TTC29: variants seen among roughly 807,000 people sequenced by gnomAD.
TTC29 encodes the protein tetratricopeptide repeat domain 29, also known as tetratricopeptide repeat protein 29.
A neutral mutation model predicts 58.1 loss-of-function variants in TTC29; 49 were observed. That is an observed-to-expected ratio of 0.84 (90% confidence interval 0.67 to 1.07). TTC29 has a LOEUF of 1.07. TTC29 is among the 50% of genes least tolerant of loss of function. TTC29 has a pLI of 0.00. For missense variants in TTC29, 582 were observed against 555.6 expected (o/e 1.05, Z -0.48); for synonymous variants, 209 against 196.8 (o/e 1.06, Z -0.52).
At chr4:146,918,979 AG>A (rs1400337782) in intron 4 of TTC29, among the ~76,000 whole-genome samples, 4 of 151,270 alleles carry the variant, frequency 2.6e-5, no homozygotes, top group African/African-American at 9.6e-5. Context: ...AAACTTCTCT[AG>A]TAGTCTGGTA....
At chr4:146,731,324 TGGGAGAGA>T (rs1259554540) in intron 11 of TTC29, among the ~76,000 whole-genome samples, 1 of 152,014 alleles carries the variant, frequency 6.6e-6, no homozygotes, top group Non-Finnish European at 1.5e-5. Flanking sequence ...AATTGTTGGC[TGGGAGAGA>T]GGGAGAGAGA....
chr4:146,910,893 G>A (rs1463966326), intron 4 of TTC29, among the ~76,000 whole-genome samples: 1 of 152,160 alleles, frequency 6.6e-6, no homozygotes, highest in Non-Finnish European at 1.5e-5. Flanking sequence ...AATTGCGATC[G>A]ATAGAGGAGA....
At chr4:146,710,028 T>TATCA (rs1397888765) in intron 11 of TTC29, among the ~76,000 whole-genome samples, 2 of 152,178 alleles carry the variant, frequency 1.3e-5, no homozygotes, top group Non-Finnish European at 2.9e-5. Context: ...AGATCTTCCC[T>TATCA]ATCAGTAGAG....
At chr4:146,803,320 T>G (rs985836054) in intron 11 of TTC29, 137 bp downstream of exon 11, 7 of 640,222 alleles carry the variant, frequency 1.1e-5, no homozygotes, top group Non-Finnish European at 1.9e-5. Context: ...CCAACCTTCA[T>G]GTAGTAATGG....
At chr4:146,769,141 A>C (rs1050606657) in intron 11 of TTC29, among the ~76,000 whole-genome samples, 2 of 151,916 alleles carry the variant, frequency 1.3e-5, no homozygotes, top group African/African-American at 4.8e-5. Context: ...TCTTTCCTTA[A>C]AAACTACATA....
intron 11 of TTC29, among the ~76,000 whole-genome samples, chr4:146,757,539 G>A (rs1746546048): frequency 6.6e-6 from 1 of 152,134 alleles, no homozygotes; most frequent in South Asian, 2.1e-4. Flanking sequence ...GTTAAGATGA[G>A]GAGAAGAATC....
chr4:146,916,947 G>A (rs1192240400), intron 4 of TTC29, among the ~76,000 whole-genome samples: 1 of 150,844 alleles, frequency 6.6e-6, no homozygotes, highest in Non-Finnish European at 1.5e-5. Context: ...CTTATTTTTG[G>A]AAAAATTAGA....
intron 11 of TTC29, among the ~76,000 whole-genome samples, chr4:146,737,998 G>A (rs1744849094): frequency 1.3e-5 from 2 of 152,060 alleles, no homozygotes; most frequent in Admixed American, 1.3e-4. Flanking sequence ...ACCCCACCTG[G>A]CAAAATTGGG....
At chr4:146,870,009 A>G (rs987641090) in intron 7 of TTC29, among the ~76,000 whole-genome samples, 6 of 152,094 alleles carry the variant, frequency 3.9e-5, no homozygotes, top group Non-Finnish European at 7.4e-5. Context: ...AAAATAAATA[A>G]TAAAGAATAA....
chr4:146,926,955 A>G (rs1437267), intron 4 of TTC29, among the ~76,000 whole-genome samples: 11,340 of 151,658 alleles, frequency 0.075, 1,444 homozygotes, highest in African/African-American at 0.26. Flanking sequence ...AAATTAGCTG[A>G]GTGTGGTGGT....
intron 11 of TTC29, among the ~76,000 whole-genome samples, chr4:146,783,322 C>T (rs955886481): frequency 4.6e-5 from 7 of 151,210 alleles, no homozygotes; most frequent in African/African-American, 1.5e-4. Flanking sequence ...GTCTCTGTCC[C>T]CATACACCCT....
At chr4:146,739,568 T>C (rs1032822351) in intron 11 of TTC29, among the ~76,000 whole-genome samples, 1 of 152,202 alleles carries the variant, frequency 6.6e-6, no homozygotes, top group African/African-American at 2.4e-5. Flanking sequence ...GGGCTTTTCA[T>C]AGAGTAAATG....
At chr4:146,733,950 T>C (rs1422174762) in intron 11 of TTC29, among the ~76,000 whole-genome samples, 2 of 152,166 alleles carry the variant, frequency 1.3e-5, no homozygotes, top group African/African-American at 4.8e-5. Context: ...TGATTTGAAA[T>C]GTTTCCTCAA....
chr4:146,836,053 C>T (rs997195707), intron 8 of TTC29, among the ~76,000 whole-genome samples: 1 of 152,036 alleles, frequency 6.6e-6, no homozygotes, highest in East Asian at 1.9e-4. Flanking sequence ...CCTTCCATAC[C>T]CAACACATTT....
chr4:146,889,670 A>C (rs2150246152), intron 6 of TTC29, among the ~76,000 whole-genome samples: 2 of 152,304 alleles, frequency 1.3e-5, no homozygotes, highest in Middle Eastern at 3.4e-3. Flanking sequence ...ATGTTATTCC[A>C]TGACAAATAA....
intron 11 of TTC29, among the ~76,000 whole-genome samples, chr4:146,749,587 A>T (rs1042321728): frequency 1.3e-5 from 2 of 152,144 alleles, no homozygotes; most frequent in African/African-American, 4.8e-5. Context: ...ACTTCCAGAG[A>T]AGAGGAGACA....
intron 8 of TTC29, among the ~76,000 whole-genome samples, chr4:146,846,795 G>A (rs187425699): frequency 1.3e-4 from 20 of 152,164 alleles, no homozygotes; most frequent in Non-Finnish European, 2.4e-4. Context: ...ACCTCTTACT[G>A]GATTTCTTTC....
intron 11 of TTC29, among the ~76,000 whole-genome samples, chr4:146,766,449 T>G (rs751964751): frequency 6.6e-6 from 1 of 152,110 alleles, no homozygotes; most frequent in Non-Finnish European, 1.5e-5. Context: ...TCTTAAAGCA[T>G]TGATGGGTGA....
chr4:146,789,934 C>A (rs888774368), intron 11 of TTC29, among the ~76,000 whole-genome samples: 1 of 152,168 alleles, frequency 6.6e-6, no homozygotes. Flanking sequence ...GTAATCACCA[C>A]GGCTTACAAG....
Sources: allele counts gnomAD v4.1 joint callset (sites outside exome capture counted in the v4.1 genomes callset), GRCh38; gene constraint gnomAD v4.1.1; transcripts MANE v1.5; gene names NCBI Gene and HGNC (gene_info 2026-07-23, HGNC 2026-07-21).